AKR1A1: variants seen among roughly 807,000 people sequenced by gnomAD.
AKR1A1 encodes HEL-S-165mP.
A neutral mutation model predicts 39.2 loss-of-function variants in AKR1A1; 26 were observed. The observed-to-expected ratio is 0.66, with a 90% CI of 0.49 to 0.92. AKR1A1 has a LOEUF of 0.92. Among genes scored for constraint, AKR1A1 ranks in the 40% least tolerant of loss-of-function variants. AKR1A1 has a pLI of 0.00. For missense variants in AKR1A1, 378 were observed against 406.5 expected, an observed-to-expected ratio of 0.93 and a Z score of 0.60; for synonymous variants, 141 against 155.5, an observed-to-expected ratio of 0.91 and a Z score of 0.69.
intron 4 of AKR1A1, 131 bp from the exon 5 acceptor site, chr1:45,567,851 T>C (rs1295990079): frequency 2.5e-6 from 2 of 803,468 alleles, no homozygotes; most frequent in East Asian, 2.9e-5. Context: ...AGAAAAAGCA[T>C]GGCTTTTTAA....
intron 1 of AKR1A1, among the ~76,000 whole-genome samples, chr1:45,553,113 A>G (rs1291044700): frequency 6.6e-6 from 1 of 150,836 alleles, no homozygotes; most frequent in East Asian, 2.0e-4. Context: ...CAACAGAGTG[A>G]GACTCTGTCT....
intron 1 of AKR1A1, among the ~76,000 whole-genome samples, chr1:45,555,353 G>A (rs1049706358): frequency 2.0e-5 from 3 of 152,108 alleles, no homozygotes; most frequent in African/African-American, 4.8e-5. Flanking sequence ...CAGGCGTGGT[G>A]GCGCATGCCT....
chr1:45,559,634 C>CTTT (rs71056306), intron 1 of AKR1A1, among the ~76,000 whole-genome samples: 7 of 73,150 alleles, frequency 9.6e-5, no homozygotes, highest in South Asian at 6.4e-4. Context: ...CTTTTCTTTT[C>CTTT]TTTTTTTTTT....
In AKR1A1 at chr1:45,568,668, G is replaced by A. The variant is rs1644377714; in HGVS notation, c.736G>A (p.Ala246Thr). Residue 246 changes from alanine (A) to threonine (T), a missense_variant, in exon 6 of 9, where the codon GCT (alanine) becomes ACT (threonine). Transcript: ENST00000351829. ...ALAEKYGRSP[A>T]QILLRWQVQR... ...GGCTGAAAAGTATGGCCGATCTCCAGCTCAGATCTTGCTCAGGTATGGGGC... is the reference window on the plus strand; with the variant it reads ...GGCTGAAAAGTATGGCCGATCTCCAACTCAGATCTTGCTCAGGTATGGGGC... 2 of 1,613,604 alleles carry A rather than the reference G, an allele frequency of 1.2e-6. No homozygotes were observed. Among genetic ancestry groups the A allele is most frequent in the Non-Finnish European group, 1.7e-6 (2 of 1,179,880 alleles).
At chr1:45,568,387 G>T (rs936005533) in intron 5 of AKR1A1, 98 bp from the exon 6 acceptor site, 2 of 1,365,880 alleles carry the variant, frequency 1.5e-6, no homozygotes, top group African/African-American at 1.4e-5. Flanking sequence ...GGGAGTGGAG[G>T]AGTCAGCAAT....
At position 45,569,217 on chromosome 1, in the gene AKR1A1, G is replaced by A; in HGVS notation, c.900G>A (p.Val300=). 6.2e-7 allele frequency: 1 copy of A among 1,613,918 alleles called. No homozygotes were observed. Among genetic ancestry groups the A allele is most frequent in the South Asian group, 1.1e-5 (1 of 91,068 alleles). Residue 300 remains valine, a synonymous_variant, in exon 8 of 9, where the codon GTG becomes GTA. Coordinates refer to ENST00000351829, the MANE Select transcript of AKR1A1 (RefSeq NM_153326.3). ...TGAACAAAAATTGGAGATATATTGT[G>A]CCTATGCTTACGGTGAGGATGTATC... is the stretch of plus-strand genomic sequence containing the variant. ...NALNKNWRYI[V]PMLTVDGKRV...
rs1443405164 is a variant in AKR1A1 at position 45,558,383 on chromosome 1, C to T, written c.-6-3406C>T. On this transcript the variant is annotated intron_variant, in intron 1 of 8. Transcript: ENST00000351829. ...AGCTGAGATTACAGGCATGTGCCAC[C>T]ACGCCCAGCTAATTTTTTTTTTTTT... Among the ~76,000 whole-genome samples the T allele has an allele frequency of 2.0e-5, 3 of 151,046 alleles. No individual in the cohort carries two copies. The Admixed American group carries it at 2.0e-4, about 10-fold the overall frequency.
chr1:45,561,447 A>G (rs1644276492), intron 1 of AKR1A1, among the ~76,000 whole-genome samples: 1 of 151,934 alleles, frequency 6.6e-6, no homozygotes, highest in African/African-American at 2.4e-5. Context: ...TCTGTCACCC[A>G]GGCTGGAGTG....
At chr1:45,555,623 A>G (rs1405356997) in intron 1 of AKR1A1, among the ~76,000 whole-genome samples, 3 of 152,224 alleles carry the variant, frequency 2.0e-5, no homozygotes, top group Admixed American at 2.0e-4. Context: ...GCCATTTTAT[A>G]TAAGGGACTG....
chr1:45,568,202 G>T (rs769327825), intron 5 of AKR1A1, 25 bp downstream of exon 5: 7 of 1,593,788 alleles, frequency 4.4e-6, no homozygotes, highest in Non-Finnish European at 5.1e-6. Flanking sequence ...CAGATGAGTG[G>T]TTTAGGGGTT....
intron 1 of AKR1A1, among the ~76,000 whole-genome samples, chr1:45,551,748 A>C (rs1204023913): frequency 6.6e-6 from 1 of 152,232 alleles, no homozygotes; most frequent in East Asian, 1.9e-4. Context: ...CCTTATCTTT[A>C]ATACAGGAGC....
At position 45,570,035 on chromosome 1, in the gene AKR1A1, C is replaced by A; in HGVS notation, c.*79C>A. The A allele has an allele frequency of 7.2e-7, 1 of 1,384,846 alleles. No individual in the cohort carries two copies. The highest frequency in any genetic ancestry group is 1.0e-6 in the Non-Finnish European group (1 of 972,594). 85.8% of individuals were successfully genotyped at this position (1,384,846 alleles called of 1,614,324 possible). ...CAACGGAAAGAGGGAGTTAATAAAG[C>A]CATTGGAGCATCCATATTGCTTGCT... On this transcript the variant is annotated 3_prime_UTR_variant, in exon 9 of 9. Transcript: ENST00000351829.
At chr1:45,552,997 C>T (rs1157363066) in intron 1 of AKR1A1, among the ~76,000 whole-genome samples, 1 of 151,882 alleles carries the variant, frequency 6.6e-6, no homozygotes, top group Non-Finnish European at 1.5e-5. Flanking sequence ...TGGTGGCACA[C>T]ACCTATAATC....
rs1644394731 is a variant in AKR1A1 at position 45,570,038 on chromosome 1, T to C, written c.*82T>C. The C allele has an allele frequency of 2.2e-6, 3 of 1,372,928 alleles. No individual in the cohort carries two copies. The highest frequency in any genetic ancestry group is 2.1e-6 in the Non-Finnish European group (2 of 961,786). 85.0% of individuals were successfully genotyped at this position (1,372,928 alleles called of 1,614,324 possible). A position where few individuals can be genotyped will look rare whatever the true frequency, so the allele number is the denominator to read the frequency against. On this transcript the variant is annotated 3_prime_UTR_variant, in exon 9 of 9. Transcript: ENST00000351829. ...CGGAAAGAGGGAGTTAATAAAGCCA[T>C]TGGAGCATCCATATTGCTTGCTTGT...
intron 4 of AKR1A1, 125 bp downstream of exon 4, chr1:45,567,145 T>C (rs1644354737): frequency 7.5e-7 from 1 of 1,325,926 alleles, no homozygotes; most frequent in African/African-American, 1.5e-5. Context: ...GCTGAGGAGC[T>C]TGACATGGGA....
chr1:45,566,426 T>G, intron 2 of AKR1A1, 143 bp from the exon 3 acceptor site: 1 of 1,309,528 alleles, frequency 7.6e-7, no homozygotes, highest in East Asian at 2.4e-5. Flanking sequence ...CCGCGCCCAG[T>G]TCATCTTCCA....
chr1:45,566,564 G>T lies in AKR1A1; in HGVS notation c.85-5G>T. ...GCTGAAACCTCTGCTTCTCTCACCT[G>T]GCAGGTAAAAGCAGCTGTTAAGTAT... On this transcript the variant is annotated splice_region_variant and splice_polypyrimidine_tract_variant and intron_variant, in intron 2 of 8. Coordinates refer to ENST00000351829, the MANE Select transcript of AKR1A1 (RefSeq NM_153326.3). 1 of 1,614,080 alleles carries T rather than the reference G, an allele frequency of 6.2e-7. No homozygotes were observed. The highest frequency in any genetic ancestry group is 8.5e-7 in the Non-Finnish European group (1 of 1,179,976).
At chr1:45,553,883 T>C (rs1404806492) in intron 1 of AKR1A1, among the ~76,000 whole-genome samples, 1 of 151,966 alleles carries the variant, frequency 6.6e-6, no homozygotes, top group Non-Finnish European at 1.5e-5. Flanking sequence ...TAGTCCCAGC[T>C]ACTCGGGAGG....
chr1:45,551,412 G>A (rs1222125270), intron 1 of AKR1A1, among the ~76,000 whole-genome samples: 2 of 152,204 alleles, frequency 1.3e-5, no homozygotes, highest in African/African-American at 4.8e-5. Flanking sequence ...AAGCTTTGAA[G>A]GCGCACAGCG....
Sources: allele counts gnomAD v4.1 joint callset (sites outside exome capture counted in the v4.1 genomes callset), GRCh38; gene constraint gnomAD v4.1.1; transcripts MANE v1.5; gene names NCBI Gene and HGNC (gene_info 2026-07-23, HGNC 2026-07-21).